The following TMEFF2 variants were observed in gnomAD, a reference collection of about 807,000 sequenced individuals.
TMEFF2 encodes the protein tomoregulin-2.
A neutral mutation model predicts 53.8 loss-of-function variants in TMEFF2; 28 were observed. That is an observed-to-expected ratio of 0.52 (90% CI 0.39 to 0.71). The LOEUF is 0.71. Ranked by LOEUF, TMEFF2 falls within the 30% of genes least tolerant of loss-of-function variation. The pLI, the probability that TMEFF2 is intolerant of heterozygous loss-of-function variation, is 0.00. For missense variants in TMEFF2, 353 were observed against 455.2 expected (o/e 0.78, Z 2.04); for synonymous variants, 162 against 166.3 (o/e 0.97, Z 0.20).
chr2:192,148,803 G>A lies in TMEFF2; in HGVS notation c.439+30865C>T, dbSNP rs563863117. ...CTGCATTTGTCTAGACTTTATTTAC[G>A]ATTCATTTTTGGCATAACTAGTTGT... On this transcript the variant is annotated intron_variant, in intron 4 of 9. Coordinates refer to ENST00000272771, the MANE Select transcript of TMEFF2 (RefSeq NM_016192.4). Among the ~76,000 whole-genome samples the A allele has an allele frequency of 3.3e-5, 5 of 152,140 alleles. No homozygotes were observed. In the South Asian group the frequency reaches 8.3e-4, roughly 25 times the overall value.
At chr2:192,084,934 C>CT (rs1447926223) in intron 4 of TMEFF2, among the ~76,000 whole-genome samples, 1 of 152,100 alleles carries the variant, frequency 6.6e-6, no homozygotes, top group Non-Finnish European at 1.5e-5. Flanking sequence ...TGTAGCTGTT[C>CT]TTAACCTTAA....
At chr2:192,157,574 A>G (rs1208710443) in intron 4 of TMEFF2, among the ~76,000 whole-genome samples, 1 of 151,938 alleles carries the variant, frequency 6.6e-6, no homozygotes, top group Non-Finnish European at 1.5e-5. Context: ...ATATGTCAAG[A>G]AGTTTGTAAA....
At chr2:192,014,427 T>G (rs1293250481) in intron 5 of TMEFF2, among the ~76,000 whole-genome samples, 1 of 152,228 alleles carries the variant, frequency 6.6e-6, no homozygotes, top group African/African-American at 2.4e-5. Context: ...AGATTCTCTG[T>G]CTGAATCTCC....
intron 4 of TMEFF2, among the ~76,000 whole-genome samples, chr2:192,090,525 G>A (rs75634941): frequency 0.01 from 1,544 of 152,212 alleles, 36 homozygotes; most frequent in African/African-American, 0.035. Context: ...CAAAATGGCA[G>A]TTCCCTGACA....
Position 192,110,637 on chromosome 2 carries a change from C to CA in TMEFF2, c.440-52863dup, listed in dbSNP as rs564174412. Among the ~76,000 whole-genome samples the CA allele has an allele frequency of 5.4e-4, 82 of 152,292 alleles. 3 individuals carry two copies. The highest frequency in any genetic ancestry group is 4.8e-3 in the Admixed American group (74 of 15,300). ...AAACACAGAAATGTCAGATTTGTTG[C>CA]AATTCTAGCACATCTCTTTGTACCA... On this transcript the variant is annotated intron_variant, in intron 4 of 9. Transcript: ENST00000272771.
At chr2:192,084,429 A>G (rs750352276) in intron 4 of TMEFF2, among the ~76,000 whole-genome samples, 1 of 152,112 alleles carries the variant, frequency 6.6e-6, no homozygotes, top group Non-Finnish European at 1.5e-5. Flanking sequence ...TTTGTTGAAC[A>G]TAATAGTTAA....
intron 2 of TMEFF2, among the ~76,000 whole-genome samples, chr2:192,188,793 C>G (rs756514590): frequency 1.3e-5 from 2 of 151,886 alleles, no homozygotes; most frequent in Non-Finnish European, 2.9e-5. Context: ...TTTCCTCCCT[C>G]TCTGCCTCCC....
chr2:192,050,101 T>C (rs1687730790), intron 5 of TMEFF2, among the ~76,000 whole-genome samples: 1 of 152,228 alleles, frequency 6.6e-6, no homozygotes, highest in Non-Finnish European at 1.5e-5. Context: ...TTTGTTTCCT[T>C]TGTTCTGTTG....
intron 4 of TMEFF2, among the ~76,000 whole-genome samples, chr2:192,132,528 C>T (rs1333986924): frequency 6.6e-6 from 1 of 152,098 alleles, no homozygotes; most frequent in Non-Finnish European, 1.5e-5. Context: ...CACAACAGGA[C>T]TTAATTAACC....
intron 4 of TMEFF2, among the ~76,000 whole-genome samples, chr2:192,139,061 T>A (rs1690076439): frequency 1.3e-5 from 2 of 152,298 alleles, no homozygotes; most frequent in South Asian, 4.1e-4. Flanking sequence ...CTCTTTCTGA[T>A]GAGCTCTGAT....
intron 7 of TMEFF2, among the ~76,000 whole-genome samples, chr2:191,987,112 C>T (rs1685996674): frequency 6.6e-6 from 1 of 152,024 alleles, no homozygotes; most frequent in African/African-American, 2.4e-5. Flanking sequence ...TAATGTTGTC[C>T]TGTGCATTGT....
chr2:192,153,278 G>T (rs1690430190), intron 4 of TMEFF2, among the ~76,000 whole-genome samples: 1 of 151,574 alleles, frequency 6.6e-6, no homozygotes, highest in South Asian at 2.1e-4. Context: ...ATTTTATACA[G>T]CATGATATAC....
chr2:192,057,583 G>T, intron 5 of TMEFF2, 96 bp downstream of exon 5: 4 of 1,068,686 alleles, frequency 3.7e-6, no homozygotes, highest in Non-Finnish European at 5.7e-6. Context: ...AAATAAAAAT[G>T]CAGACAATGT....
At position 192,035,511 on chromosome 2, in the gene TMEFF2, A is replaced by G. The variant is rs562700026; in HGVS notation, c.536+22168T>C. Reference sequence around the variant, plus strand: ...TGGCAGCTCCTCAGTTTTTTCTTCTATGGTTTATTTCTGATGTCTTATCTT... The same window carrying G: ...TGGCAGCTCCTCAGTTTTTTCTTCTGTGGTTTATTTCTGATGTCTTATCTT... On this transcript the variant is annotated intron_variant, in intron 5 of 9. Coordinates refer to ENST00000272771, the MANE Select transcript of TMEFF2 (RefSeq NM_016192.4). 6 of 152,250 alleles carry G rather than the reference A, an allele frequency of 3.9e-5. No homozygotes were observed. In the East Asian group the frequency reaches 1.2e-3, roughly 29 times the overall value. The allele number at this position is 152,250 out of a possible 1,614,324, so 9.4% of individuals were successfully genotyped here.
chr2:191,954,707 A>C (rs1363931825), intron 8 of TMEFF2, among the ~76,000 whole-genome samples: 1 of 152,176 alleles, frequency 6.6e-6, no homozygotes, highest in Admixed American at 6.5e-5. Flanking sequence ...TTTTGTTAGA[A>C]AAAAGTAAGT....
At chr2:192,174,652 T>G (rs1460329549) in intron 4 of TMEFF2, among the ~76,000 whole-genome samples, 2 of 151,702 alleles carry the variant, frequency 1.3e-5, no homozygotes, top group Non-Finnish European at 2.9e-5. Flanking sequence ...AAAAAGAGGA[T>G]AGTTTCTGCT....
chr2:192,170,917 T>C (rs887905030), intron 4 of TMEFF2, among the ~76,000 whole-genome samples: 2 of 152,100 alleles, frequency 1.3e-5, no homozygotes, highest in Admixed American at 6.6e-5. Flanking sequence ...AACAAGTGAG[T>C]GTGTAATTTA....
chr2:192,164,588 C>T (rs191250870), intron 4 of TMEFF2, among the ~76,000 whole-genome samples: 8 of 152,050 alleles, frequency 5.3e-5, no homozygotes, highest in East Asian at 1.9e-4. Flanking sequence ...ATTAGCTGGG[C>T]GTGGTGGTAT....
intron 5 of TMEFF2, chr2:192,043,778 G>T (rs1218453948): frequency 1.3e-5 from 2 of 152,222 alleles, no homozygotes; most frequent in Non-Finnish European, 2.9e-5. Context: ...TGCTAAAACT[G>T]CATTTACCTT....
Sources: allele counts gnomAD v4.1 joint callset (sites outside exome capture counted in the v4.1 genomes callset), GRCh38; gene constraint gnomAD v4.1.1; transcripts MANE v1.5; gene names NCBI Gene and HGNC (gene_info 2026-07-23, HGNC 2026-07-21).